The following NFASC variants were observed in gnomAD, a reference collection of about 807,000 sequenced individuals.
The protein encoded by NFASC is neurofascin homolog.
A neutral mutation model predicts 147.5 loss-of-function variants in NFASC; 43 were observed. That is an observed-to-expected ratio of 0.29 (90% CI 0.23 to 0.38). The LOEUF (loss-of-function observed/expected upper bound fraction) is 0.38, where lower values mean the gene tolerates loss of function less well. Among genes scored for constraint, NFASC ranks in the 10% least tolerant of loss-of-function variants. The pLI is 1.00. For missense variants in NFASC, 1,320 were observed against 1,689.0 expected (o/e 0.78, Z 3.83); for synonymous variants, 622 against 665.5 (o/e 0.93, Z 1.01).
At chr1:204,886,424 T>C (rs747779318) in intron 1 of NFASC, among the ~76,000 whole-genome samples, 1 of 152,256 alleles carries the variant, frequency 6.6e-6, no homozygotes, top group Non-Finnish European at 1.5e-5. Flanking sequence ...TGTTTATGCT[T>C]TTTATTTCCA....
Position 205,016,229 on chromosome 1 carries a change from G to C in NFASC, c.3492-79G>C. The stretch of plus-strand genomic sequence containing the variant: ...GTCTCCTGGATCCCATCCTCTCTGA[G>C]CTGTGTAGGGCATGTGCTGGCAGGA... On this transcript the variant is annotated intron_variant, in intron 29 of 29. Coordinates refer to ENST00000339876, the MANE Select transcript of NFASC (RefSeq NM_001005388.3). The surrounding 1 kb of genome is among the most constrained non-coding windows in gnomAD (Gnocchi z 5.1). The C allele has an allele frequency of 1.0e-6, 1 of 960,030 alleles. No homozygotes were observed. Among genetic ancestry groups the C allele is most frequent in the Non-Finnish European group, 1.7e-6 (1 of 595,420 alleles). 59.5% of individuals were successfully genotyped at this position (960,030 alleles called of 1,614,324 possible).
chr1:204,996,546 G>A (rs1574303807), intron 24 of NFASC, among the ~76,000 whole-genome samples: 1 of 152,196 alleles, frequency 6.6e-6, no homozygotes, highest in African/African-American at 2.4e-5. Flanking sequence ...TGACCGAGGA[G>A]AGCCAAGACC....
At chr1:204,834,965 G>T (rs1369769186) in intron 1 of NFASC, among the ~76,000 whole-genome samples, 1 of 152,056 alleles carries the variant, frequency 6.6e-6, no homozygotes, top group African/African-American at 2.4e-5. Context: ...TCCTAAGAAG[G>T]TCTAATTATT....
chr1:205,001,367 C>A (rs4951152), intron 26 of NFASC, 81 bp downstream of exon 26: 201,970 of 809,524 alleles, frequency 0.25, 25,855 homozygotes, highest in South Asian at 0.27. Flanking sequence ...CATTAAAGAG[C>A]TCCTGTGAAC....
intron 1 of NFASC, among the ~76,000 whole-genome samples, chr1:204,877,239 C>G (rs984367004): frequency 6.6e-6 from 1 of 151,186 alleles, no homozygotes; most frequent in African/African-American, 2.4e-5. Flanking sequence ...TTACATACAT[C>G]TCATGTTCAC....
At chr1:204,900,879 G>A (rs11240307) in intron 1 of NFASC, among the ~76,000 whole-genome samples, 5,899 of 152,172 alleles carry the variant, frequency 0.039, 376 homozygotes, top group African/African-American at 0.13. Context: ...GTCTTGCTAT[G>A]TTGTCCAGGC....
chr1:204,868,403 T>C (rs893441412), intron 1 of NFASC, among the ~76,000 whole-genome samples: 7 of 152,140 alleles, frequency 4.6e-5, no homozygotes, highest in Non-Finnish European at 1.0e-4. Flanking sequence ...CTAGGATGCC[T>C]AGGACATGCT....
intron 27 of NFASC, among the ~76,000 whole-genome samples, chr1:205,003,405 C>T (rs1263417118): frequency 6.6e-6 from 1 of 152,194 alleles, no homozygotes; most frequent in Non-Finnish European, 1.5e-5. Context: ...GAAGAAACAT[C>T]TTCCTTGTGC....
At chr1:205,013,705 A>G (rs920691133) in intron 29 of NFASC, among the ~76,000 whole-genome samples, 11 of 152,148 alleles carry the variant, frequency 7.2e-5, no homozygotes, top group Admixed American at 3.3e-4. Flanking sequence ...GTGGAGTGTC[A>G]TTCCCAGACC....
chr1:204,982,003 G>T lies in NFASC; in HGVS notation c.2453G>T (p.Gly818Val). ...GKGPEPESVIGYSGEDLPSAP... is the reference protein window; with the variant it reads ...GKGPEPESVIVYSGEDLPSAP... ...GGCCCTGAGCCAGAGTCCGTCATCG[G>T]TTACTCCGGAGAAGATTGTGAGTAG... Residue 818 changes from glycine to valine, a missense_variant, in exon 21 of 30, where the codon GGT becomes GTT. By Grantham distance (109) the Gly-to-Val change is moderately radical. Coordinates refer to ENST00000339876, the MANE Select transcript of NFASC (RefSeq NM_001005388.3). 6.3e-7 allele frequency: 1 copy of T among 1,584,570 alleles called. No individual in the cohort carries two copies. The highest frequency in any genetic ancestry group is 8.6e-7 in the Non-Finnish European group (1 of 1,165,578).
intron 2 of NFASC, among the ~76,000 whole-genome samples, chr1:204,924,401 G>A (rs1464611732): frequency 6.6e-6 from 1 of 152,196 alleles, no homozygotes. Context: ...TGCAACCGGG[G>A]ATGTGCTGTC....
intron 1 of NFASC, among the ~76,000 whole-genome samples, chr1:204,882,994 G>A (rs933254714): frequency 2.0e-5 from 3 of 151,940 alleles, no homozygotes; most frequent in South Asian, 2.1e-4. Context: ...GGGAAAACCC[G>A]TGTATAGCTG....
At chr1:204,996,604 A>G (rs2095849423) in intron 24 of NFASC, among the ~76,000 whole-genome samples, 1 of 152,236 alleles carries the variant, frequency 6.6e-6, no homozygotes, top group South Asian at 2.1e-4. Flanking sequence ...TCACCCGCGC[A>G]GAGTGGAGAT....
At chr1:204,860,775 A>T (rs766650882) in intron 1 of NFASC, among the ~76,000 whole-genome samples, 2 of 152,114 alleles carry the variant, frequency 1.3e-5, no homozygotes, top group Non-Finnish European at 2.9e-5. Context: ...GGCAATCATT[A>T]ATCAGTTTTT....
rs374199434 is a variant in NFASC at position 204,987,385 on chromosome 1, C to T, written c.2471-33C>T. The T allele has an allele frequency of 2.5e-6, 4 of 1,604,950 alleles. No individual in the cohort carries two copies. Among genetic ancestry groups the T allele is most frequent in the South Asian group, 1.1e-5 (1 of 90,348 alleles). Reference sequence around the variant, plus strand: ...TCCTCATCCTCCCTGCCCCCTCCCCCTCATCTCCCCTGCTCTCTCCTCCTT... The same window carrying T: ...TCCTCATCCTCCCTGCCCCCTCCCCTTCATCTCCCCTGCTCTCTCCTCCTT... On this transcript the variant is annotated intron_variant, in intron 21 of 29. Transcript: ENST00000339876. This position sits in a 1 kb window ranked among gnomAD's most constrained non-coding sequence, Gnocchi z 4.4.
At position 204,872,709 on chromosome 1, in the gene NFASC, T is replaced by C. The variant is rs996013325; in HGVS notation, c.-200+43927T>C. Among the ~76,000 whole-genome samples the C allele has an allele frequency of 3.3e-5, 5 of 152,272 alleles. No individual in the cohort carries two copies. The South Asian group carries it at 1.0e-3, about 32-fold the overall frequency. ...GCTGAGTCATCCTTGGACAACCCTC[T>C]CTCTGAGGCTGATGTGCTCAGGGTG... On this transcript the variant is annotated intron_variant, in intron 1 of 29. Transcript: ENST00000339876.
At position 205,016,575 on chromosome 1, in the gene NFASC, T is replaced by C. The variant is rs1218109980; in HGVS notation, c.*36T>C. ...CCAGGCACAGCCACCACTTTGCAAG[T>C]GGGAGGAGGGGAGAAGGGGAGACAA... On this transcript the variant is annotated 3_prime_UTR_variant, in exon 30 of 30. Transcript: ENST00000339876. The surrounding 1 kb of genome is among the most constrained non-coding windows in gnomAD (Gnocchi z 5.1). 3 of 1,501,828 alleles carry C rather than the reference T, an allele frequency of 2.0e-6. No homozygotes were observed. The highest frequency in any genetic ancestry group is 2.3e-5 in the South Asian group (2 of 88,768). The allele number at this position is 1,501,828 out of a possible 1,614,324, so 93.0% of individuals were successfully genotyped here. A position where few individuals can be genotyped will look rare whatever the true frequency, so the allele number is the denominator to read the frequency against.
intron 13 of NFASC, 108 bp from the exon 14 acceptor site, chr1:204,974,549 C>T (rs775299632): frequency 4.6e-6 from 6 of 1,306,300 alleles, no homozygotes; most frequent in Non-Finnish European, 6.6e-6. Context: ...AGTCTCCTAG[C>T]ATGGGGCTCC....
chr1:204,842,166 C>T (rs1358662518), intron 1 of NFASC, among the ~76,000 whole-genome samples: 2 of 152,220 alleles, frequency 1.3e-5, no homozygotes, highest in Non-Finnish European at 2.9e-5. Flanking sequence ...TGCAGATATG[C>T]AATGGGCTTC....
Sources: gnomAD v4.1 joint callset for allele counts (sites outside exome capture counted in the v4.1 genomes callset) on GRCh38, gnomAD v4.1.1 for gene constraint, Gnocchi (gnomAD v3.1) non-coding constraint, MANE v1.5 for transcripts, NCBI Gene and HGNC (gene_info 2026-07-23, HGNC 2026-07-21) for gene names.